Variants in DOCK10 observed in about 807,000 individuals in gnomAD.
The protein encoded by DOCK10 is dedicator of cytokinesis protein 10.
A neutral mutation model predicts 280.1 loss-of-function variants in DOCK10; 145 were observed. The ratio of observed to expected loss-of-function variants is 0.52; its 90% CI spans 0.45 to 0.59. DOCK10 has a LOEUF of 0.59. DOCK10 is among the 20% of genes least tolerant of loss of function. DOCK10 has a pLI of 0.00. For synonymous variants in DOCK10, 915 were observed against 942.2 expected (o/e 0.97, Z 0.53); for missense variants, 2,368 against 2,651.7 (o/e 0.89, Z 2.35).
Position 224,913,885 on chromosome 2 carries a change from G to C in DOCK10, c.333+2810C>G, listed in dbSNP as rs1306198380. On this transcript the variant is annotated intron_variant, in intron 3 of 55. Coordinates refer to ENST00000258390, the MANE Select transcript of DOCK10 (RefSeq NM_014689.3). ...TGGGACTACAGGCACCCGCCACCAC[G>C]TCTGGCTAATTTTTTGGTTTTTTTT... Among the ~76,000 whole-genome samples, 3 of 151,910 alleles carry C rather than the reference G, an allele frequency of 2.0e-5. No individual in the cohort carries two copies. The East Asian group carries it at 5.8e-4, about 29-fold the overall frequency.
At chr2:225,040,401 C>A (rs1014421797) in intron 1 of DOCK10, among the ~76,000 whole-genome samples, 1 of 152,082 alleles carries the variant, frequency 6.6e-6, no homozygotes, top group African/African-American at 2.4e-5. Context: ...GTCAGGACCA[C>A]CTTTGCCACT....
rs73077768 is a variant in DOCK10 at position 224,774,701 on chromosome 2, T to C, written c.6013+204A>G. Among the ~76,000 whole-genome samples the C allele has an allele frequency of 5.1e-3, 770 of 152,326 alleles. 3 individuals are homozygous for C. The highest frequency in any genetic ancestry group is 0.018 in the African/African-American group (731 of 41,574). On this transcript the variant is annotated intron_variant, in intron 52 of 55. Transcript: ENST00000258390. ...AGGGAATAGGTATGCAAAGCAACTC[T>C]TTTGACAATTTCTCCTCTGGTTGAC...
chr2:224,931,622 A>G lies in DOCK10; in HGVS notation c.170T>C (p.Ile57Thr), dbSNP rs778136554. Residue 57 changes from isoleucine (I) to threonine (T), a missense_variant, in exon 2 of 56, where the codon ATT becomes ACT. Around this residue, in one of 2 missense-constraint regions of DOCK10, gnomAD observed 1,209 missense variants for 1,250.9 expected, o/e 0.97. Coordinates refer to ENST00000258390, the MANE Select transcript of DOCK10 (RefSeq NM_014689.3). Reference sequence around the variant, plus strand: ...CCGGTAGGTCTTTTCAAGTTCTTCAATGACAGTCTCATAATCCAAAGGCTC... The same window carrying G: ...CCGGTAGGTCTTTTCAAGTTCTTCAGTGACAGTCTCATAATCCAAAGGCTC... ...LLEPLDYETVIEELEKTYRND... is the reference protein window; with the variant it reads ...LLEPLDYETVTEELEKTYRND... 5.6e-6 allele frequency: 9 copies of G among 1,611,632 alleles called. No individual in the cohort carries two copies. Among genetic ancestry groups the G allele is most frequent in the African/African-American group, 2.7e-5 (2 of 75,024 alleles).
At chr2:224,785,566 T>G (rs1270469697) in intron 50 of DOCK10, among the ~76,000 whole-genome samples, 8 of 152,114 alleles carry the variant, frequency 5.3e-5, no homozygotes, top group African/African-American at 1.9e-4. Context: ...CTGCAAGCTC[T>G]GCCTCCTGGG....
rs1331082438 is a variant in DOCK10, at chr2:224,961,420, TTC to T, written c.124-29754_124-29753del. On this transcript the variant is annotated intron_variant, in intron 1 of 55. Transcript: ENST00000258390. Reference sequence around the variant, plus strand: ...ATTTTCTTTCTTTCTTTCTCTTTCTTTCTTTCTTTCTTTCTTTCTTTCTTTCT... The same window carrying T: ...ATTTTCTTTCTTTCTTTCTCTTTCTTTTTCTTTCTTTCTTTCTTTCTTTCT... 5.6e-4 allele frequency among the ~76,000 whole-genome samples: 56 copies of T among 100,016 alleles called. 1 individual carries two copies. Among genetic ancestry groups the T allele is most frequent in the African/African-American group, 2.4e-3 (55 of 23,356 alleles). 65.6% of individuals were successfully genotyped at this position (100,016 alleles called of 152,430 possible).
Position 224,970,017 on chromosome 2 carries a change from C to G in DOCK10, c.124-38349G>C, listed in dbSNP as rs762274519. On this transcript the variant is annotated intron_variant, in intron 1 of 55. Transcript: ENST00000258390. This position sits in a 1 kb window ranked among gnomAD's most constrained non-coding sequence, Gnocchi z 4.6. ...CCAGTGGCTTTCATTTGGGGAATATCATTGGGTTCACTGGCTTTTTCACTG... is the reference window on the plus strand; with the variant it reads ...CCAGTGGCTTTCATTTGGGGAATATGATTGGGTTCACTGGCTTTTTCACTG... Among the ~76,000 whole-genome samples the G allele has an allele frequency of 5.9e-5, 9 of 152,134 alleles. No homozygotes were observed. The highest frequency in any genetic ancestry group is 1.2e-4 in the Non-Finnish European group (8 of 68,026).
rs933945902 is a variant in DOCK10, at chr2:224,792,828, GT to G, written c.5311+145del. The G allele has an allele frequency of 8.8e-6, 5 of 569,962 alleles. No individual in the cohort carries two copies. In the African/African-American group the frequency reaches 9.5e-5, roughly 11 times the overall value. The allele number at this position is 569,962 out of a possible 1,614,324, so 35.3% of individuals were successfully genotyped here. On this transcript the variant is annotated intron_variant, in intron 47 of 55. Transcript: ENST00000258390. ...TGGATGGGATTTCTGAATGGCAGGAGTTTAAGTTTTTTGCAGAGTAAGTTGG... is the reference window on the plus strand; with the variant it reads ...TGGATGGGATTTCTGAATGGCAGGAGTTAAGTTTTTTGCAGAGTAAGTTGG...
chr2:224,794,560 T>C (rs990180855), intron 45 of DOCK10, among the ~76,000 whole-genome samples: 9 of 152,172 alleles, frequency 5.9e-5, no homozygotes, highest in African/African-American at 2.2e-4. Flanking sequence ...ACACAGAACA[T>C]TAATTTAACG....
At position 224,864,943 on chromosome 2, in the gene DOCK10, C is replaced by T. The variant is rs1412743921; in HGVS notation, c.1402G>A (p.Asp468Asn). 9 of 1,613,722 alleles carry T rather than the reference C, an allele frequency of 5.6e-6. No individual in the cohort carries two copies. In the Admixed American group the frequency reaches 6.7e-5, roughly 12 times the overall value. The change falls in exon 12 of 56, where the codon GAC (aspartate) becomes AAC (asparagine). Residue 468 changes from aspartate (D) to asparagine (N), a missense_variant. By Grantham distance (23) the Asp-to-Asn change is conservative. This residue lies in a region of DOCK10 where 1,209 missense variants were observed against 1,250.9 expected (regional missense o/e 0.97). Coordinates refer to ENST00000258390, the MANE Select transcript of DOCK10 (RefSeq NM_014689.3). ...ASVALENGNI[D>N]TITPRQSEEP... is the part of the protein sequence containing the mutation. ...TCTGATTGTCTTGGAGTGATGGTGT[C>T]GATGTTGCCATTTTCCAAAGCCACA...
intron 3 of DOCK10, among the ~76,000 whole-genome samples, chr2:224,907,118 G>A (rs77634701): frequency 0.025 from 3,741 of 152,226 alleles, 157 homozygotes; most frequent in African/African-American, 0.085. Flanking sequence ...TTATGCCACC[G>A]GATTCACAGT....
chr2:224,783,496 C>T (rs141413607), intron 50 of DOCK10, among the ~76,000 whole-genome samples: 1 of 151,870 alleles, frequency 6.6e-6, no homozygotes, highest in Non-Finnish European at 1.5e-5. Flanking sequence ...GGATGGTCTT[C>T]ATCTCCTGAC....
At chr2:224,778,527 T>C (rs1452960454) in intron 50 of DOCK10, 5 of 521,772 alleles carry the variant, frequency 9.6e-6, no homozygotes, top group Non-Finnish European at 1.7e-5. Context: ...TGAAATATCT[T>C]ACAAATATTA....
At chr2:224,987,073 T>A (rs1705994526) in intron 1 of DOCK10, among the ~76,000 whole-genome samples, 1 of 152,198 alleles carries the variant, frequency 6.6e-6, no homozygotes. Flanking sequence ...CTGGAGGCCC[T>A]GACTTCTAGC....
At chr2:224,843,565 AAATTTTGGTCCAATG>A (rs1409865487) in intron 22 of DOCK10, among the ~76,000 whole-genome samples, 1 of 152,130 alleles carries the variant, frequency 6.6e-6, no homozygotes, top group Non-Finnish European at 1.5e-5. Flanking sequence ...TTGCCGAGAG[AAATTTTGGTCCAATG>A]TATATACGAT....
Position 224,877,472 on chromosome 2 carries a change from GTTCC to G in DOCK10, c.748-1255_748-1252del, listed in dbSNP as rs535141272. ...ATAGGTTCCTATTCTATTGGAATAG[GTTCC>G]TATTCTATTGGAATAGGTTCCTATT... On this transcript the variant is annotated intron_variant, in intron 7 of 55. Coordinates refer to ENST00000258390, the MANE Select transcript of DOCK10 (RefSeq NM_014689.3). 9.0e-3 allele frequency among the ~76,000 whole-genome samples: 1,358 copies of G among 151,388 alleles called. 17 individuals are homozygous for G. The highest frequency in any genetic ancestry group is 0.03 in the African/African-American group (1,222 of 40,906).
chr2:224,876,066 C>A lies in DOCK10; in HGVS notation c.903G>T (p.Arg301Ser), dbSNP rs779133201. 1 of 1,613,628 alleles carries A rather than the reference C, an allele frequency of 6.2e-7. No homozygotes were observed. The highest frequency in any genetic ancestry group is 1.3e-5 in the African/African-American group (1 of 74,894). The change falls in exon 8 of 56, where the codon AGG becomes AGT. Residue 301 changes from arginine (R) to serine (S), a missense_variant. Around this residue, in one of 2 missense-constraint regions of DOCK10, gnomAD observed 1,209 missense variants for 1,250.9 expected, o/e 0.97. Coordinates refer to ENST00000258390, the MANE Select transcript of DOCK10 (RefSeq NM_014689.3). ...GACCCAGATCAGTGAGCTCTGTGCT[C>A]CTCCTCCCTTGGAGGGGCCCCTCAG... ...ISPEGPLQGR[R>S]STELTDLGLD...
Position 224,816,686 on chromosome 2 carries a change from G to T in DOCK10, c.3295C>A (p.Leu1099Ile), listed in dbSNP as rs1395354001. The stretch of plus-strand genomic sequence containing the variant: ...TGTTCATGTTGACATACTTCTTGAA[G>T]AAAATCAAATTTATACTGGCACAAG... The part of the protein sequence containing the change: ...KTLCQYKFDF[L>I]QEVCQHEHFI... The change falls in exon 30 of 56, where the codon CTT (leucine) becomes ATT (isoleucine). Residue 1099 changes from leucine (L) to isoleucine (I), a missense_variant. Leu to Ile is a conservative substitution (Grantham distance 5). Around this residue, in one of 2 missense-constraint regions of DOCK10, gnomAD observed 1,159 missense variants for 1,400.8 expected, o/e 0.83. Transcript: ENST00000258390. 1 of 1,605,672 alleles carries T rather than the reference G, an allele frequency of 6.2e-7. No individual in the cohort carries two copies. Among genetic ancestry groups the T allele is most frequent in the African/African-American group, 1.3e-5 (1 of 74,816 alleles).
rs564045651 is a variant in DOCK10, at chr2:224,856,492, C to A, written c.1808+368G>T. 6.3e-4 allele frequency among the ~76,000 whole-genome samples: 96 copies of A among 152,212 alleles called. 1 individual carries two copies. Among genetic ancestry groups the A allele is most frequent in the African/African-American group, 2.2e-3 (93 of 41,532 alleles). On this transcript the variant is annotated intron_variant, in intron 15 of 55. Transcript: ENST00000258390. ...GAGTCTCTGAAGTGGATCCTCTGAC[C>A]CCAGCTGATCTCTCTCAGCCCATGC...
chr2:224,909,978 C>T (rs1700919112), intron 3 of DOCK10, among the ~76,000 whole-genome samples: 1 of 151,974 alleles, frequency 6.6e-6, no homozygotes, highest in Non-Finnish European at 1.5e-5. Flanking sequence ...GAAAAGAATG[C>T]CTAATGCCTT....
Sources: allele counts gnomAD v4.1 joint callset (sites outside exome capture counted in the v4.1 genomes callset), GRCh38; gene constraint gnomAD v4.1.1; regional missense constraint gnomAD v4.1.1; non-coding constraint Gnocchi (gnomAD v3.1); transcripts MANE v1.5; gene names NCBI Gene and HGNC (gene_info 2026-07-23, HGNC 2026-07-21).